COL19A1: variants seen among roughly 807,000 people sequenced by gnomAD.
COL19A1 encodes collagen alpha-1(XIX) chain.
Under a neutral mutation model 190.2 loss-of-function variants are expected in COL19A1, and 159 were observed. The observed-to-expected ratio is 0.84, with a 90% confidence interval of 0.73 to 0.95. COL19A1 has a LOEUF of 0.95. COL19A1 is among the 40% of genes least tolerant of loss of function. COL19A1 has a pLI of 0.00. For missense variants in COL19A1, 1,418 were observed against 1,431.9 expected (o/e 0.99, Z 0.16); for synonymous variants, 509 against 458.9 (o/e 1.11, Z -1.39).
chr6:69,870,938 G>A (rs766379952), intron 1 of COL19A1, among the ~76,000 whole-genome samples: 57 of 152,166 alleles, frequency 3.7e-4, no homozygotes, highest in Admixed American at 3.9e-4. Flanking sequence ...TGAATAAATT[G>A]AAGATGATTT....
At chr6:70,186,548 A>G (rs1766527162) in intron 46 of COL19A1, among the ~76,000 whole-genome samples, 1 of 152,168 alleles carries the variant, frequency 6.6e-6, no homozygotes, top group Non-Finnish European at 1.5e-5. Context: ...AAGTCAAGAG[A>G]AATTGAGTTT....
intron 14 of COL19A1, among the ~76,000 whole-genome samples, chr6:70,056,458 G>A (rs1780510274): frequency 1.3e-5 from 2 of 152,132 alleles, no homozygotes; most frequent in South Asian, 4.1e-4. Context: ...GAAAGCAGAA[G>A]GGAGGGACAT....
rs547355171 is a variant in COL19A1 at position 70,160,126 on chromosome 6, C to T, written c.2293-1774C>T. Among the ~76,000 whole-genome samples, 109 of 152,194 alleles carry T rather than the reference C, an allele frequency of 7.2e-4. 3 individuals are homozygous for T. The South Asian group carries it at 0.022, about 30-fold the overall frequency. ...TCCATTTTCACACTGCTATAAAGAA[C>T]TTTCCTGAGACTGGGTAATTTATAA... On this transcript the variant is annotated intron_variant, in intron 34 of 50. Transcript: ENST00000620364.
intron 11 of COL19A1, among the ~76,000 whole-genome samples, chr6:69,974,475 A>C (rs1775599920): frequency 6.6e-6 from 1 of 152,204 alleles, no homozygotes; most frequent in Non-Finnish European, 1.5e-5. Flanking sequence ...CATGCAGTTC[A>C]TGTCTTGGTA....
At chr6:70,088,512 A>G (rs576388240) in intron 15 of COL19A1, among the ~76,000 whole-genome samples, 1 of 152,286 alleles carries the variant, frequency 6.6e-6, no homozygotes, top group South Asian at 2.1e-4. Context: ...ATAAAGCATG[A>G]CTATGGGTAA....
rs577601103 is a variant in COL19A1 at position 69,921,551 on chromosome 6, C to CATAT, written c.267-6351_267-6348dup. Among the ~76,000 whole-genome samples the CATAT allele has an allele frequency of 3.6e-5, 4 of 111,328 alleles. No individual in the cohort carries two copies. In the East Asian group the frequency reaches 1.0e-3, roughly 28 times the overall value. 73.0% of individuals were successfully genotyped at this position (111,328 alleles called of 152,430 possible). A position where few individuals can be genotyped will look rare whatever the true frequency, so the allele number is the denominator to read the frequency against. On this transcript the variant is annotated intron_variant, in intron 4 of 50. Coordinates refer to ENST00000620364, the MANE Select transcript of COL19A1 (RefSeq NM_001858.6). ...ATATTCATGTATATTCATATATATT[C>CATAT]ATATATATATTCGTATATATTCATA...
chr6:70,126,082 C>T (rs1785176123), intron 17 of COL19A1, among the ~76,000 whole-genome samples: 1 of 151,460 alleles, frequency 6.6e-6, no homozygotes, highest in Non-Finnish European at 1.5e-5. Context: ...CACTCGGTCT[C>T]AGCTGTTGGA....
At chr6:70,076,009 A>G (rs766645526) in intron 15 of COL19A1, among the ~76,000 whole-genome samples, 3 of 152,226 alleles carry the variant, frequency 2.0e-5, no homozygotes, top group Non-Finnish European at 4.4e-5. Context: ...ATTTATGTGA[A>G]TAGACCCAAG....
chr6:70,068,329 T>G, intron 14 of COL19A1, 94 bp from the exon 15 acceptor site: 1 of 875,546 alleles, frequency 1.1e-6, no homozygotes, highest in Non-Finnish European at 1.9e-6. Context: ...AAGTTTGTTT[T>G]AATCAACAAA....
rs2150312896 is a variant in COL19A1 at position 70,207,153 on chromosome 6, G to T, written c.3308G>T (p.Gly1103Val). Residue 1103 changes from glycine (G) to valine (V), a missense_variant, in exon 51 of 51, where the codon GGT becomes GTT. Coordinates refer to ENST00000620364, the MANE Select transcript of COL19A1 (RefSeq NM_001858.6). ...SPGLPGTSAL[G>V]LPGSPGAPGP... Reference sequence around the variant, plus strand: ...TTTTTTTTTATGTCGTTAGCTCTGGGTTTGCCAGGCTCACCAGGTGCCCCA... The same window carrying T: ...TTTTTTTTTATGTCGTTAGCTCTGGTTTTGCCAGGCTCACCAGGTGCCCCA... 1 of 1,613,172 alleles carries T rather than the reference G, an allele frequency of 6.2e-7. No individual in the cohort carries two copies. Among genetic ancestry groups the T allele is most frequent in the East Asian group, 2.2e-5 (1 of 44,872 alleles).
chr6:70,194,002 A>T (rs1345846321), intron 48 of COL19A1, among the ~76,000 whole-genome samples: 1 of 152,262 alleles, frequency 6.6e-6, no homozygotes, highest in African/African-American at 2.4e-5. Flanking sequence ...GTTAAGTAGT[A>T]CAGACAGCTA....
At chr6:69,869,680 G>A (rs1360889399) in intron 1 of COL19A1, among the ~76,000 whole-genome samples, 1 of 152,132 alleles carries the variant, frequency 6.6e-6, no homozygotes, top group Non-Finnish European at 1.5e-5. Context: ...ATTGTAATCA[G>A]AAAAAAATGT....
intron 11 of COL19A1, among the ~76,000 whole-genome samples, chr6:69,974,973 C>T (rs1042592610): frequency 4.6e-5 from 7 of 151,932 alleles, no homozygotes; most frequent in South Asian, 2.1e-4. Context: ...CCACCACACC[C>T]GGCTAATTTT....
At chr6:70,140,844 G>A (rs1273470113) in intron 19 of COL19A1, 110 bp from the exon 20 acceptor site, 1 of 917,986 alleles carries the variant, frequency 1.1e-6, no homozygotes, top group Non-Finnish European at 1.8e-6. Flanking sequence ...ATTTTTGGAG[G>A]TCTGTTTGCA....
intron 15 of COL19A1, among the ~76,000 whole-genome samples, chr6:70,093,277 T>A (rs1562165586): frequency 6.6e-6 from 1 of 152,134 alleles, no homozygotes; most frequent in Non-Finnish European, 1.5e-5. Context: ...ACAATGAGCT[T>A]TCAGCTTCCA....
intron 6 of COL19A1, among the ~76,000 whole-genome samples, chr6:69,930,172 T>C (rs958116367): frequency 1.3e-5 from 2 of 152,098 alleles, no homozygotes; most frequent in South Asian, 2.1e-4. Context: ...CGTATAATGG[T>C]TTTTCAGGGT....
chr6:70,199,663 C>T lies in COL19A1; in HGVS notation c.3150C>T (p.Ala1050=), dbSNP rs1480549789. The change falls in exon 49 of 51, where the codon GCC becomes GCT. Residue 1050 remains alanine (A), a synonymous_variant. Transcript: ENST00000620364. ...AGCTGCCAGCAGCAATGTTGGCTGC[C>T]CAAGCTTATGGGAGACCTGGGCCAC... is the stretch of plus-strand genomic sequence containing the variant. ...QLKLPAAMLA[A]QAYGRPGPPG... 1 of 1,608,768 alleles carries T rather than the reference C, an allele frequency of 6.2e-7. No individual in the cohort carries two copies. The highest frequency in any genetic ancestry group is 8.5e-7 in the Non-Finnish European group (1 of 1,176,832).
At chr6:70,109,789 A>G (rs1331675842) in intron 16 of COL19A1, among the ~76,000 whole-genome samples, 1 of 152,140 alleles carries the variant, frequency 6.6e-6, no homozygotes, top group East Asian at 1.9e-4. Context: ...TCCACTGGAT[A>G]TCACTTTGGT....
rs1213286357 is a variant in COL19A1, at chr6:70,130,181, G to A, written c.1342-1G>A. ...TATTTTAAATTGTTTTTCACCCCTA[G>A]GGAAATGATGAACATGAAGCTGGAG... is the stretch of plus-strand genomic sequence containing the variant. On this transcript the variant is annotated splice_acceptor_variant, in intron 17 of 50. Coordinates refer to ENST00000620364, the MANE Select transcript of COL19A1 (RefSeq NM_001858.6). LOFTEE classifies it high-confidence loss of function. 6.2e-7 allele frequency: 1 copy of A among 1,612,192 alleles called. No homozygotes were observed. Among genetic ancestry groups the A allele is most frequent in the Admixed American group, 1.7e-5 (1 of 59,646 alleles).
Sources: gnomAD v4.1 joint callset for allele counts (sites outside exome capture counted in the v4.1 genomes callset) on GRCh38, gnomAD v4.1.1 for gene constraint, MANE v1.5 for transcripts, NCBI Gene and HGNC (gene_info 2026-07-23, HGNC 2026-07-21) for gene names.